Variants in TNRC6B observed in about 807,000 individuals in gnomAD.
The protein encoded by TNRC6B is trinucleotide repeat containing adaptor 6B, also known as trinucleotide repeat-containing gene 6B protein.
Under a neutral mutation model 203.6 loss-of-function variants are expected in TNRC6B, and 52 were observed. The ratio of observed to expected loss-of-function variants is 0.26; its 90% CI spans 0.20 to 0.32. TNRC6B has a LOEUF of 0.32. Ranked by LOEUF, TNRC6B falls within the 10% of genes least tolerant of loss-of-function variation. The pLI is 1.00. For synonymous variants in TNRC6B, 838 were observed against 845.7 expected (o/e 0.99, Z 0.16); for missense variants, 1,923 against 2,286.2 (o/e 0.84, Z 3.24).
chr22:40,113,694 TTAAC>T (rs1364227390), intron 1 of TNRC6B, among the ~76,000 whole-genome samples: 2 of 152,200 alleles, frequency 1.3e-5, no homozygotes, highest in African/African-American at 4.8e-5. Context: ...TGTTACTTAA[TTAAC>T]TAGATATCTT....
rs187522447 is a variant in TNRC6B, at chr22:40,299,436, T to G, written c.3709-1019T>G. Among the ~76,000 whole-genome samples, 29 of 152,260 alleles carry G rather than the reference T, an allele frequency of 1.9e-4. No homozygotes were observed. The East Asian group carries it at 5.6e-3, about 29-fold the overall frequency. ...GTATTTTTAGTAGAGACGGGGTTTC[T>G]GCATGTTGGTCAGGCTGGTCTTGAA... On this transcript the variant is annotated intron_variant, in intron 12 of 22. Transcript: ENST00000454349.
At chr22:40,050,355 C>T (rs1328544023) in intron 1 of TNRC6B, among the ~76,000 whole-genome samples, 3 of 152,192 alleles carry the variant, frequency 2.0e-5, no homozygotes, top group African/African-American at 7.2e-5. Context: ...AACCTTCTCT[C>T]ACTTCTTTTA....
At chr22:40,257,648 G>A (rs925233477) in intron 3 of TNRC6B, among the ~76,000 whole-genome samples, 9 of 152,052 alleles carry the variant, frequency 5.9e-5, no homozygotes, top group South Asian at 4.1e-4. Flanking sequence ...CCTGGGAGGC[G>A]GAGGTTGCAG....
Position 40,262,176 on chromosome 22 carries a change from A to G in TNRC6B, c.457+3A>G. ...GAGTGAGAGTGGGACTGCGCCAGGT[A>G]AGGCACCCTGTGAATCGAATGCATG... On this transcript the variant is annotated splice_donor_region_variant and intron_variant, in intron 4 of 22. Transcript: ENST00000454349. 1 of 1,378,376 alleles carries G rather than the reference A, an allele frequency of 7.3e-7. No individual in the cohort carries two copies. The highest frequency in any genetic ancestry group is 9.5e-7 in the Non-Finnish European group (1 of 1,049,504). 85.4% of individuals were successfully genotyped at this position (1,378,376 alleles called of 1,614,324 possible). A position where few individuals can be genotyped will look rare whatever the true frequency, so the allele number is the denominator to read the frequency against.
Position 40,178,028 on chromosome 22 carries a change from A to T in TNRC6B, c.-108A>T. The T allele has an allele frequency of 6.4e-7, 1 of 1,571,622 alleles. No homozygotes were observed. Among genetic ancestry groups the T allele is most frequent in the Non-Finnish European group, 8.6e-7 (1 of 1,164,656 alleles). ...TCTCTGCTGGTTTCTGAATATTTAAAATACAAAAAAACAGATAGACAAAAA... is the reference window on the plus strand; with the variant it reads ...TCTCTGCTGGTTTCTGAATATTTAATATACAAAAAAACAGATAGACAAAAA... On this transcript the variant is annotated 5_prime_UTR_variant, in exon 1 of 23. Transcript: ENST00000454349.
intron 3 of TNRC6B, among the ~76,000 whole-genome samples, chr22:40,147,662 C>T (rs2068707341): frequency 6.6e-6 from 1 of 152,188 alleles, no homozygotes; most frequent in African/African-American, 2.4e-5. Context: ...CTCTTATGAC[C>T]TAAACACCTT....
At position 40,300,987 on chromosome 22, in the gene TNRC6B, C is replaced by G; in HGVS notation, c.3918C>G (p.Arg1306=). The G allele has an allele frequency of 6.2e-7, 1 of 1,613,244 alleles. No homozygotes were observed. The highest frequency in any genetic ancestry group is 8.5e-7 in the Non-Finnish European group (1 of 1,179,592). ...QNQRKISQAV[R]QQQEQQLARM... is the part of the protein sequence containing the mutation. ...AGAGAAAGATTTCTCAAGCTGTACG[C>G]CAACAGCAAGAGCAGCAGGTACGTG... Residue 1306 remains arginine, a synonymous_variant, in exon 14 of 23, where the codon CGC becomes CGG. Transcript: ENST00000454349.
intron 12 of TNRC6B, among the ~76,000 whole-genome samples, chr22:40,296,769 A>G (rs938669821): frequency 1.1e-4 from 17 of 152,008 alleles, no homozygotes; most frequent in African/African-American, 3.9e-4. Context: ...CTGGGATTAC[A>G]GGCGCTTGCC....
Position 40,080,094 on chromosome 22 carries a change from C to CTTTTTT in TNRC6B, c.-121+35110_-121+35115dup, listed in dbSNP as rs772109662. ...ACAGACGTGAGCCACCGTGCCTGGC[C>CTTTTTT]TTTTTTTTTTTTTTTTTTTGTGTAG... On this transcript the variant is annotated intron_variant, in intron 1 of 23. Coordinates refer to the TNRC6B transcript ENST00000301923. Among the ~76,000 whole-genome samples, 13 of 113,768 alleles carry CTTTTTT rather than the reference C, an allele frequency of 1.1e-4. 1 individual carries two copies. Among genetic ancestry groups the CTTTTTT allele is most frequent in the African/African-American group, 1.8e-4 (5 of 27,212 alleles). 74.6% of individuals were successfully genotyped at this position (113,768 alleles called of 152,430 possible).
At chr22:40,258,315 A>G (rs1170975225) in intron 3 of TNRC6B, among the ~76,000 whole-genome samples, 2 of 152,066 alleles carry the variant, frequency 1.3e-5, no homozygotes, top group Admixed American at 6.5e-5. Context: ...TTTATCGTCT[A>G]ACATTCTGGA....
chr22:40,050,345 A>G (rs939183549), intron 1 of TNRC6B, among the ~76,000 whole-genome samples: 2 of 152,028 alleles, frequency 1.3e-5, no homozygotes, highest in African/African-American at 4.8e-5. Context: ...TGGCCTCCCC[A>G]ACCTTCTCTC....
At chr22:40,075,939 T>A (rs903811206) in intron 1 of TNRC6B, among the ~76,000 whole-genome samples, 1 of 150,038 alleles carries the variant, frequency 6.7e-6, no homozygotes, top group African/African-American at 2.4e-5. Flanking sequence ...TTCGACATGT[T>A]AAATGTCCCA....
intron 12 of TNRC6B, among the ~76,000 whole-genome samples, chr22:40,292,219 C>T (rs773992337): frequency 2.0e-5 from 3 of 151,206 alleles, no homozygotes; most frequent in Admixed American, 6.6e-5. Flanking sequence ...CATGGTGGCG[C>T]ACACCCGTCT....
chr22:40,253,795 A>AGCCCACCTTGGTAC (rs1473978063), intron 3 of TNRC6B: 1 of 451,044 alleles, frequency 2.2e-6, no homozygotes, highest in Non-Finnish European at 4.4e-6. Context: ...ATTCCCAGTA[A>AGCCCACCTTGGTAC]GCCCACCTTG....
intron 1 of TNRC6B, among the ~76,000 whole-genome samples, chr22:40,244,514 C>T (rs919471046): frequency 7.9e-5 from 12 of 151,684 alleles, no homozygotes; most frequent in Non-Finnish European, 1.6e-4. Flanking sequence ...CGAGAGCCCA[C>T]CTCAGTTTTC....
intron 1 of TNRC6B, among the ~76,000 whole-genome samples, chr22:40,243,442 T>A (rs889062605): frequency 1.3e-5 from 2 of 152,226 alleles, no homozygotes; most frequent in Non-Finnish European, 1.5e-5. Flanking sequence ...TATATCTGTT[T>A]TAGAAATGAA....
chr22:40,100,446 A>G (rs954742851), intron 1 of TNRC6B, among the ~76,000 whole-genome samples: 12 of 151,944 alleles, frequency 7.9e-5, no homozygotes, highest in African/African-American at 2.4e-4. Flanking sequence ...GATAACAATC[A>G]TAGCTCACTG....
chr22:40,068,854 G>A (rs1232731785), intron 1 of TNRC6B, among the ~76,000 whole-genome samples: 1 of 151,892 alleles, frequency 6.6e-6, no homozygotes, highest in African/African-American at 2.4e-5. Context: ...TAAAATGCTG[G>A]GATTACAGGA....
intron 1 of TNRC6B, among the ~76,000 whole-genome samples, chr22:40,221,240 G>A (rs905839617): frequency 6.6e-6 from 1 of 152,118 alleles, no homozygotes; most frequent in East Asian, 1.9e-4. Context: ...TCTTTGAGGT[G>A]TATGAATGGT....
Sources: allele counts gnomAD v4.1 joint callset (sites outside exome capture counted in the v4.1 genomes callset), GRCh38; gene constraint gnomAD v4.1.1; transcripts MANE v1.5; gene names NCBI Gene and HGNC (gene_info 2026-07-23, HGNC 2026-07-21).